The following NKAIN3 variants were observed in gnomAD, a reference collection of about 807,000 sequenced individuals.
The protein encoded by NKAIN3 is sodium/potassium-transporting ATPase subunit beta-1-interacting protein 3.
In NKAIN3, 25 loss-of-function variants were observed where a neutral mutation model predicts 30.2. The ratio of observed to expected loss-of-function variants is 0.83; its 90% confidence interval spans 0.60 to 1.16. The LOEUF is 1.16. NKAIN3 is among the 50% of genes most tolerant of loss of function. The pLI is 0.00. For missense variants in NKAIN3, 225 were observed against 254.1 expected (o/e 0.89, Z 0.78); for synonymous variants, 91 against 89.6 (o/e 1.02, Z -0.09).
chr8:62,261,470 T>C (rs1812440903), intron 1 of NKAIN3, among the ~76,000 whole-genome samples: 2 of 152,194 alleles, frequency 1.3e-5, no homozygotes, highest in Non-Finnish European at 2.9e-5. Flanking sequence ...TATTTCTGCT[T>C]AATGAGTGTT....
At chr8:62,798,863 G>C (rs997518110) in intron 4 of NKAIN3, among the ~76,000 whole-genome samples, 1 of 152,162 alleles carries the variant, frequency 6.6e-6, no homozygotes, top group Non-Finnish European at 1.5e-5. Context: ...GAGATATCAA[G>C]AAAACATTGC....
chr8:62,531,468 G>C (rs1869017), intron 1 of NKAIN3, among the ~76,000 whole-genome samples: 137,304 of 152,250 alleles, frequency 0.9, 62,152 homozygotes, highest in African/African-American at 0.95. Flanking sequence ...TGGTTTCTCC[G>C]TGCCTGTATT....
At chr8:62,421,645 C>CAT (rs1201010081) in intron 1 of NKAIN3, among the ~76,000 whole-genome samples, 5 of 150,820 alleles carry the variant, frequency 3.3e-5, no homozygotes, top group South Asian at 2.1e-4. Context: ...TCTCTGTATA[C>CAT]ATATATATAT....
At chr8:62,989,090 T>C (rs1824264306), downstream of NKAIN3, among the ~76,000 whole-genome samples, 1 of 152,194 alleles carries the variant, frequency 6.6e-6, no homozygotes, top group Non-Finnish European at 1.5e-5. Context: ...CTGGACTTTA[T>C]CATCCATAGC....
At position 62,759,016 on chromosome 8, in the gene NKAIN3, A is replaced by G. The variant is rs1345385857; in HGVS notation, c.471+11887A>G. On this transcript the variant is annotated intron_variant, in intron 4 of 6. Transcript: ENST00000623646. ...GTTCCTCAAACCCTAACACTCTAGT[A>G]TTATCAGTAAAGACATAGTTAATCA... Among the ~76,000 whole-genome samples, 3 of 152,346 alleles carry G rather than the reference A, an allele frequency of 2.0e-5. No individual in the cohort carries two copies. In the East Asian group the frequency reaches 5.8e-4, roughly 29 times the overall value.
At chr8:62,617,713 A>C (rs1811501515) in intron 3 of NKAIN3, among the ~76,000 whole-genome samples, 1 of 152,106 alleles carries the variant, frequency 6.6e-6, no homozygotes, top group South Asian at 2.1e-4. Flanking sequence ...TGAGCTGCTC[A>C]CTCCAAGATT....
At chr8:62,397,602 A>C (rs570368141) in intron 1 of NKAIN3, among the ~76,000 whole-genome samples, 2 of 152,290 alleles carry the variant, frequency 1.3e-5, no homozygotes, top group South Asian at 4.1e-4. Flanking sequence ...TTAGTTCTCT[A>C]TCCACTAGAT....
chr8:62,282,885 C>G (rs1813250031), intron 1 of NKAIN3, among the ~76,000 whole-genome samples: 1 of 152,132 alleles, frequency 6.6e-6, no homozygotes, highest in African/African-American at 2.4e-5. Flanking sequence ...CTTTACAACC[C>G]TCTTCTCCTC....
rs578204305 is a variant in NKAIN3 at position 62,500,325 on chromosome 8, A to C, written c.55-79214A>C. Among the ~76,000 whole-genome samples the C allele has an allele frequency of 2.0e-5, 3 of 152,120 alleles. No homozygotes were observed. The South Asian group carries it at 6.2e-4, about 32-fold the overall frequency. ...GCAGTTGGAAGTTTTAGATAATGAC[A>C]CCATGTCTTCCATTACCAAGGAAAA... On this transcript the variant is annotated intron_variant, in intron 1 of 6. Transcript: ENST00000623646.
intron 1 of NKAIN3, among the ~76,000 whole-genome samples, chr8:62,406,623 G>A (rs1257842556): frequency 6.6e-6 from 1 of 152,052 alleles, no homozygotes; most frequent in South Asian, 2.1e-4. Context: ...TTATTTCAAA[G>A]CATCATATTT....
chr8:62,887,827 T>C (rs1369148942), intron 4 of NKAIN3, among the ~76,000 whole-genome samples: 2 of 152,220 alleles, frequency 1.3e-5, no homozygotes, highest in Admixed American at 6.5e-5. Context: ...TTAATAATAG[T>C]TGTTTCAAAT....
intron 1 of NKAIN3, among the ~76,000 whole-genome samples, chr8:62,419,169 C>T (rs1032785778): frequency 6.6e-6 from 1 of 152,000 alleles, no homozygotes. Context: ...ACACCTTGAC[C>T]CCACAGAGTA....
In NKAIN3 at chr8:62,316,105, T is replaced by C. The variant is rs146166903; in HGVS notation, c.54+66978T>C. Among the ~76,000 whole-genome samples the C allele has an allele frequency of 9.0e-3, 1,366 of 152,184 alleles. 29 individuals carry two copies. Among genetic ancestry groups the C allele is most frequent in the African/African-American group, 0.031 (1,290 of 41,524 alleles). ...TGCTGCCACCATGTGAAGAAAGACA[T>C]ATTTGCTTCCTCGTCCACAAGGATT... On this transcript the variant is annotated intron_variant, in intron 1 of 6. Transcript: ENST00000623646.
intron 4 of NKAIN3, among the ~76,000 whole-genome samples, chr8:62,773,335 C>A (rs1299820106): frequency 6.6e-6 from 1 of 152,114 alleles, no homozygotes; most frequent in African/African-American, 2.4e-5. Flanking sequence ...AATTTATGTT[C>A]TTGGCACTTT....
chr8:62,321,735 C>G (rs1814920772), intron 1 of NKAIN3, among the ~76,000 whole-genome samples: 1 of 152,140 alleles, frequency 6.6e-6, no homozygotes, highest in South Asian at 2.1e-4. Context: ...GTCAGTCTGC[C>G]CCTACTGGGG....
intron 5 of NKAIN3, among the ~76,000 whole-genome samples, chr8:62,948,269 G>A (rs565928468): frequency 1.7e-4 from 26 of 151,644 alleles, no homozygotes; most frequent in Non-Finnish European, 3.7e-4. Context: ...GGGTGATCTC[G>A]GATCACTGCA....
Position 62,729,034 on chromosome 8 carries a change from A to C in NKAIN3, c.274-17898A>C, listed in dbSNP as rs1338994618. Among the ~76,000 whole-genome samples the C allele has an allele frequency of 9.3e-5, 10 of 107,478 alleles. 1 individual carries two copies. Among genetic ancestry groups the C allele is most frequent in the African/African-American group, 1.9e-4 (5 of 26,264 alleles). The allele number at this position is 107,478 out of a possible 152,430, so 70.5% of individuals were successfully genotyped here. On this transcript the variant is annotated intron_variant, in intron 3 of 6. Transcript: ENST00000623646. The stretch of plus-strand genomic sequence containing the variant: ...ACAAAACAAACAAACCAAAAAAAAA[A>C]AAAAACAAAAAAAAAAAACCTCCTG...
intron 1 of NKAIN3, among the ~76,000 whole-genome samples, chr8:62,292,829 C>G (rs140783110): frequency 0.017 from 2,534 of 152,280 alleles, 62 homozygotes; most frequent in African/African-American, 0.055. Flanking sequence ...AGAGTGTTTT[C>G]CAACTTGGTT....
At chr8:62,635,259 G>A (rs563914865) in intron 3 of NKAIN3, among the ~76,000 whole-genome samples, 102 of 152,278 alleles carry the variant, frequency 6.7e-4, no homozygotes, top group African/African-American at 2.4e-3. Flanking sequence ...ATAGTGTCTA[G>A]TTGTGAGCTC....
Sources: gnomAD v4.1 joint callset for allele counts (sites outside exome capture counted in the v4.1 genomes callset) on GRCh38, gnomAD v4.1.1 for gene constraint, MANE v1.5 for transcripts, NCBI Gene and HGNC (gene_info 2026-07-23, HGNC 2026-07-21) for gene names.